The following RPRD2 variants were observed in gnomAD, a reference collection of about 807,000 sequenced individuals.
RPRD2 encodes regulation of nuclear pre-mRNA domain-containing protein 2.
A neutral mutation model predicts 104.4 loss-of-function variants in RPRD2; 12 were observed. The observed-to-expected ratio is 0.11, with a 90% confidence interval of 0.07 to 0.19. RPRD2 has a LOEUF of 0.19. Among genes scored for constraint, RPRD2 ranks in the 10% least tolerant of loss-of-function variants. The pLI, the probability that RPRD2 is intolerant of heterozygous loss-of-function variation, is 1.00. For synonymous variants in RPRD2, 714 were observed against 684.9 expected (o/e 1.04, Z -0.66); for missense variants, 1,543 against 1,790.1 (o/e 0.86, Z 2.49).
intron 1 of RPRD2, among the ~76,000 whole-genome samples, chr1:150,373,551 T>TTTTTTTTTG: frequency 6.7e-6 from 1 of 148,196 alleles, no homozygotes; most frequent in East Asian, 2.0e-4. Context: ...TTTTTTTTTT[T>TTTTTTTTTG]TTTAGCTTGA....
intron 2 of RPRD2, among the ~76,000 whole-genome samples, chr1:150,419,734 A>G (rs1394023041): frequency 2.0e-5 from 3 of 152,142 alleles, no homozygotes; most frequent in African/African-American, 7.2e-5. Context: ...CAATTAGGCA[A>G]TTCTCCTGCC....
chr1:150,473,220 G>A lies in RPRD2; in HGVS notation c.4272G>A (p.Arg1424=). 1 of 1,613,970 alleles carries A rather than the reference G, an allele frequency of 6.2e-7. No homozygotes were observed. The highest frequency in any genetic ancestry group is 2.2e-5 in the East Asian group (1 of 44,874). ...LRSPRPDFRP[R]EPFLSRDPFH... ...GTCCCCGGCCAGACTTTCGGCCTAGGGAACCTTTTCTCAGCAGAGACCCAT... is the reference window on the plus strand; with the variant it reads ...GTCCCCGGCCAGACTTTCGGCCTAGAGAACCTTTTCTCAGCAGAGACCCAT... The change falls in exon 11 of 11, where the codon AGG becomes AGA. Residue 1424 remains arginine (R), a synonymous_variant. Transcript: ENST00000369068.
chr1:150,430,759 G>T lies in RPRD2; in HGVS notation c.336-10164G>T, dbSNP rs11205372. ...AGCCTGACCAACATGGAGAAACCCC[G>T]TCTCTACTAAAAATACAAAATTAGC... On this transcript the variant is annotated intron_variant, in intron 2 of 10. Coordinates refer to ENST00000369068, the MANE Select transcript of RPRD2 (RefSeq NM_015203.5). Among the ~76,000 whole-genome samples, 10 of 151,986 alleles carry T rather than the reference G, an allele frequency of 6.6e-5. 1 individual carries two copies. Among genetic ancestry groups the T allele is most frequent in the African/African-American group, 2.4e-4 (10 of 41,454 alleles).
chr1:150,459,166 T>G (rs1030314959), intron 8 of RPRD2, among the ~76,000 whole-genome samples: 2 of 152,172 alleles, frequency 1.3e-5, no homozygotes, highest in Non-Finnish European at 2.9e-5. Context: ...TTCTCTTATA[T>G]CCCCAGCCTT....
At chr1:150,423,884 C>T (rs1664934866) in intron 2 of RPRD2, among the ~76,000 whole-genome samples, 2 of 151,820 alleles carry the variant, frequency 1.3e-5, no homozygotes, top group African/African-American at 4.8e-5. Flanking sequence ...CCTCCGCCTC[C>T]TGGGTTCAAG....
chr1:150,388,175 CAT>C (rs1162951306), intron 1 of RPRD2, among the ~76,000 whole-genome samples: 3 of 151,794 alleles, frequency 2.0e-5, no homozygotes, highest in African/African-American at 7.3e-5. Flanking sequence ...ACCTTGGCCT[CAT>C]ATAGTGCTGG....
chr1:150,382,478 C>G (rs1172141600), intron 1 of RPRD2, among the ~76,000 whole-genome samples: 1 of 151,950 alleles, frequency 6.6e-6, no homozygotes, highest in Non-Finnish European at 1.5e-5. Flanking sequence ...TTCAAGTGAT[C>G]CTCTTGAGTA....
At chr1:150,453,074 C>G (rs1428379453) in intron 7 of RPRD2, among the ~76,000 whole-genome samples, 1 of 149,636 alleles carries the variant, frequency 6.7e-6, no homozygotes, top group Non-Finnish European at 1.5e-5. Context: ...GTGCTGTTGC[C>G]CAGGCTGGAG....
chr1:150,402,009 G>T (rs1384306138), intron 1 of RPRD2, among the ~76,000 whole-genome samples: 3 of 149,706 alleles, frequency 2.0e-5, no homozygotes, highest in African/African-American at 7.4e-5. Context: ...ACCCAGGCTG[G>T]AGTGCAGTGG....
chr1:150,419,090 C>T (rs1356538141), intron 2 of RPRD2, among the ~76,000 whole-genome samples: 1 of 152,158 alleles, frequency 6.6e-6, no homozygotes, highest in Non-Finnish European at 1.5e-5. Context: ...ATTGAACATC[C>T]CCACATTCGG....
intron 3 of RPRD2, 148 bp from the exon 4 acceptor site, chr1:150,441,733 A>AT (rs1212898617): frequency 3.9e-5 from 21 of 535,326 alleles, no homozygotes; most frequent in Non-Finnish European, 1.0e-5. Flanking sequence ...AGGAATTTCT[A>AT]TTTTTTCATA....
Position 150,475,867 on chromosome 1 carries a change from A to C in RPRD2, c.*2533A>C, listed in dbSNP as rs1411915088. 6.6e-6 allele frequency: 1 copy of C among 151,050 alleles called. No homozygotes were observed. The highest frequency in any genetic ancestry group is 1.5e-5 in the Non-Finnish European group (1 of 67,816). The allele number at this position is 151,050 out of a possible 1,614,324, so 9.4% of individuals were successfully genotyped here. On this transcript the variant is annotated 3_prime_UTR_variant, in exon 11 of 11. Coordinates refer to ENST00000369068, the MANE Select transcript of RPRD2 (RefSeq NM_015203.5). Reference sequence around the variant, plus strand: ...CAACCTGAGTTTAAACAAATAAACAAGATATTTTTTAAAGAAAGCATAACA... The same window carrying C: ...CAACCTGAGTTTAAACAAATAAACACGATATTTTTTAAAGAAAGCATAACA...
At chr1:150,431,749 G>T (rs1665613199) in intron 2 of RPRD2, among the ~76,000 whole-genome samples, 1 of 151,992 alleles carries the variant, frequency 6.6e-6, no homozygotes, top group African/African-American at 2.4e-5. Flanking sequence ...CCAAAGTGCT[G>T]GGATTACAGG....
At chr1:150,371,126 A>G (rs1660267260) in intron 1 of RPRD2, among the ~76,000 whole-genome samples, 1 of 152,246 alleles carries the variant, frequency 6.6e-6, no homozygotes, top group Admixed American at 6.5e-5. Context: ...CAGAGAATTT[A>G]CAAAGTACGG....
chr1:150,465,189 G>A (rs772408914), intron 10 of RPRD2, among the ~76,000 whole-genome samples: 16 of 150,940 alleles, frequency 1.1e-4, no homozygotes, highest in African/African-American at 2.2e-4. Flanking sequence ...CACTCTTGTC[G>A]CCCAGGCTGG....
At chr1:150,456,925 C>CA (rs11352805) in intron 7 of RPRD2, among the ~76,000 whole-genome samples, 32,590 of 138,196 alleles carry the variant, frequency 0.24, 4,041 homozygotes, top group African/African-American at 0.33. Context: ...AATTCCTTCT[C>CA]AAAAAAAAAA....
In RPRD2 at chr1:150,470,715, C is replaced by G; in HGVS notation, c.1767C>G (p.Ser589Arg). ...PSSAQPFIPK[S>R]FNYSPNSSTS... ...GTGCCCAACCTTTTATTCCCAAAAG[C>G]TTCAACTATTCTCCTAACTCATCAA... The change falls in exon 11 of 11, where the codon AGC becomes AGG. Residue 589 changes from serine to arginine, a missense_variant. Around this residue, in one of 4 missense-constraint regions of RPRD2, gnomAD observed 572 missense variants for 787.3 expected, o/e 0.73. Transcript: ENST00000369068. 1 of 1,614,008 alleles carries G rather than the reference C, an allele frequency of 6.2e-7. No homozygotes were observed. The highest frequency in any genetic ancestry group is 8.5e-7 in the Non-Finnish European group (1 of 1,179,876).
At position 150,369,236 on chromosome 1, in the gene RPRD2, A is replaced by G. The variant is rs73017005; in HGVS notation, c.205+4317A>G. 9.8e-3 allele frequency among the ~76,000 whole-genome samples: 1,494 copies of G among 152,140 alleles called. 20 individuals carry two copies. The highest frequency in any genetic ancestry group is 0.033 in the African/African-American group (1,390 of 41,500). On this transcript the variant is annotated intron_variant, in intron 1 of 10. Transcript: ENST00000369068. ...TGGAGGCATATGGACTTGATGTGCA[A>G]TTTGCCCAGATTATCATTTCTGTAC...
intron 1 of RPRD2, among the ~76,000 whole-genome samples, chr1:150,401,444 C>T (rs1201897373): frequency 2.0e-5 from 3 of 151,702 alleles, no homozygotes; most frequent in Non-Finnish European, 4.4e-5. Context: ...GCTGAGATTG[C>T]GCCACTGCAC....
Sources: gnomAD v4.1 joint callset for allele counts (sites outside exome capture counted in the v4.1 genomes callset) on GRCh38, gnomAD v4.1.1 for gene constraint, gnomAD v4.1.1 regional missense constraint, MANE v1.5 for transcripts, NCBI Gene and HGNC (gene_info 2026-07-23, HGNC 2026-07-21) for gene names.